Variants in EID3 observed in about 807,000 individuals in gnomAD.
The protein encoded by EID3 is EP300-interacting inhibitor of differentiation 3.
In EID3, 3 loss-of-function variants were observed where a neutral mutation model predicts 1.6. That is an observed-to-expected ratio of 1.87 (90% CI 0.85 to 4.83). The LOEUF (loss-of-function observed/expected upper bound fraction) is 4.83, where lower values mean the gene tolerates loss of function less well. EID3 is among the 30% of genes most tolerant of loss of function. The pLI, the probability that EID3 is intolerant of heterozygous loss-of-function variation, is 0.02. For synonymous variants in EID3, 164 were observed against 148.1 expected (o/e 1.11, Z -0.78); for missense variants, 471 against 409.9 (o/e 1.15, Z -1.29).
rs1165696357 is a variant in EID3, at chr12:104,304,932, A to G, written c.998A>G (p.Tyr333Cys). Residue 333 changes from tyrosine to cysteine, a missense_variant, in exon 1 of 1, where the codon TAC becomes TGC. Physicochemically the swap from Tyr to Cys is radical, Grantham distance 194. Transcript: ENST00000527879. ...GAGGCTATGATTACATACTCCTCAT[A>G]CTAAAGATTTCTTAGTATAGCATCC... ...ISEAMITYSS[Y>C] 2.5e-6 allele frequency: 4 copies of G among 1,584,440 alleles called. No homozygotes were observed. In the Admixed American group the frequency reaches 7.7e-5, roughly 30 times the overall value.
At position 104,304,300 on chromosome 12, in the gene EID3, T is replaced by C. The variant is rs1593793848; in HGVS notation, c.366T>C (p.Phe122=). ...TTAATCAGTTAGCATTTTGTGACTT[T>C]CTGTTTCTGTTCGTGGGTCTGAATT... ...NFFNQLAFCD[F]LFLFVGLNWM... The change falls in exon 1 of 1, where the codon TTT becomes TTC. Residue 122 remains phenylalanine (F), a synonymous_variant. Transcript: ENST00000527879. 2.5e-6 allele frequency: 4 copies of C among 1,614,076 alleles called. No homozygotes were observed. In the East Asian group the frequency reaches 6.7e-5, roughly 27 times the overall value.
chr12:104,304,984 A>G lies in EID3; in HGVS notation c.*48A>G, dbSNP rs749343384. 1.1e-5 allele frequency: 16 copies of G among 1,511,384 alleles called. No homozygotes were observed. In the South Asian group the frequency reaches 2.0e-4, roughly 19 times the overall value. The allele number at this position is 1,511,384 out of a possible 1,614,324, so 93.6% of individuals were successfully genotyped here. A position where few individuals can be genotyped will look rare whatever the true frequency, so the allele number is the denominator to read the frequency against. ...TTTTGTGTTTTTTTTCTGAAGTTAG[A>G]TGGAGAGTAAAATGTAAACTGAAGC... On this transcript the variant is annotated 3_prime_UTR_variant, in exon 1 of 1. Transcript: ENST00000527879.
chr12:104,304,552 G>A lies in EID3; in HGVS notation c.618G>A (p.Gln206=). ...EENGNMPTKL[Q]KLDLSSYPEA... Reference sequence around the variant, plus strand: ...ATGGCAACATGCCTACAAAGTTGCAGAAGTTGGACCTGAGTAGTTATCCAG... The same window carrying A: ...ATGGCAACATGCCTACAAAGTTGCAAAAGTTGGACCTGAGTAGTTATCCAG... Residue 206 remains glutamine, a synonymous_variant, in exon 1 of 1, where the codon CAG becomes CAA. Coordinates refer to ENST00000527879, the MANE Select transcript of EID3 (RefSeq NM_001008394.3). 1 of 1,614,032 alleles carries A rather than the reference G, an allele frequency of 6.2e-7. No homozygotes were observed. The highest frequency in any genetic ancestry group is 8.5e-7 in the Non-Finnish European group (1 of 1,179,904).
At position 104,304,947 on chromosome 12, in the gene EID3, G is replaced by GTA. The variant is rs200258450; in HGVS notation, c.*14_*15dup. On this transcript the variant is annotated 3_prime_UTR_variant, in exon 1 of 1. Transcript: ENST00000527879. ...TACTCCTCATACTAAAGATTTCTTA[G>GTA]TATAGCATCCTTTTTGTGTTTTTTT... 3.6e-5 allele frequency: 56 copies of GTA among 1,556,712 alleles called. No individual in the cohort carries two copies. In the East Asian group the frequency reaches 1.2e-3, roughly 34 times the overall value.
Position 104,304,018 on chromosome 12 carries a change from G to A in EID3, c.84G>A (p.Leu28=). 1 of 1,612,320 alleles carries A rather than the reference G, an allele frequency of 6.2e-7. No homozygotes were observed. Among genetic ancestry groups the A allele is most frequent in the South Asian group, 1.1e-5 (1 of 91,062 alleles). The change falls in exon 1 of 1, where the codon CTG becomes CTA. Residue 28 remains leucine (L), a synonymous_variant. Coordinates refer to ENST00000527879, the MANE Select transcript of EID3 (RefSeq NM_001008394.3). The stretch of plus-strand genomic sequence containing the variant: ...AGGCCGACGTAGACCCAAAGCTCCT[G>A]GAGCTCACCGCTGACGAGGAGAAGT... The part of the protein sequence containing the change: ...SGEADVDPKL[L]ELTADEEKCR...
At position 104,304,111 on chromosome 12, in the gene EID3, G is replaced by C. The variant is rs1223208956; in HGVS notation, c.177G>C (p.Val59=). The change falls in exon 1 of 1, where the codon GTG becomes GTC. Residue 59 remains valine (V), a synonymous_variant. Transcript: ENST00000527879. ...YCVRQNREDI[V]SSANNSLTEA... ...TGCGGCAGAACCGGGAGGACATCGT[G>C]AGCTCGGCGAACAACTCCTTAACCG... 1 of 1,614,028 alleles carries C rather than the reference G, an allele frequency of 6.2e-7. No individual in the cohort carries two copies. The highest frequency in any genetic ancestry group is 2.2e-5 in the East Asian group (1 of 44,880).
chr12:104,304,807 G>A lies in EID3; in HGVS notation c.873G>A (p.Met291Ile), dbSNP rs1228330761. Residue 291 changes from methionine to isoleucine, a missense_variant, in exon 1 of 1, where the codon ATG becomes ATA. Met to Ile is a conservative substitution (Grantham distance 10). Transcript: ENST00000527879. ...TAGAGCCGATGAATGTTAACCAAATGGGTGAGGGAAATGATTCCAGTTGCC... is the reference window on the plus strand; with the variant it reads ...TAGAGCCGATGAATGTTAACCAAATAGGTGAGGGAAATGATTCCAGTTGCC... ...PILEPMNVNQ[M>I]GEGNDSSCHG... 2 of 1,614,026 alleles carry A rather than the reference G, an allele frequency of 1.2e-6. No homozygotes were observed. The highest frequency in any genetic ancestry group is 2.2e-5 in the South Asian group (2 of 91,086).
In EID3 at chr12:104,304,450, TG is replaced by T. The variant is rs767578368; in HGVS notation, c.518del (p.Gly173ValfsTer5). 1 of 1,614,042 alleles carries T rather than the reference TG, an allele frequency of 6.2e-7. No individual in the cohort carries two copies. ...VKAETFHFVF[G>X]SFKLERSAPK... ...AAGCTGAGACATTCCATTTTGTTTT[TG>T]GTTCATTCAAGCTAGAACGTTCTGC... On this transcript the variant is annotated frameshift_variant, in exon 1 of 1. Coordinates refer to ENST00000527879, the MANE Select transcript of EID3 (RefSeq NM_001008394.3). LOFTEE classifies it low-confidence loss of function (END_TRUNC).
rs770133655 is a variant in EID3 at position 104,304,117 on chromosome 12, G to C, written c.183G>C (p.Ser61=). 1 of 1,614,018 alleles carries C rather than the reference G, an allele frequency of 6.2e-7. No homozygotes were observed. ...VRQNREDIVS[S]ANNSLTEALE... ...AGAACCGGGAGGACATCGTGAGCTC[G>C]GCGAACAACTCCTTAACCGAGGCTC... The change falls in exon 1 of 1, where the codon TCG becomes TCC. Residue 61 remains serine (S), a synonymous_variant. Coordinates refer to ENST00000527879, the MANE Select transcript of EID3 (RefSeq NM_001008394.3).
rs757317328 is a variant in EID3 at position 104,304,986 on chromosome 12, G to A, written c.*50G>A. ...TTGTGTTTTTTTTCTGAAGTTAGAT[G>A]GAGAGTAAAATGTAAACTGAAGCAC... On this transcript the variant is annotated 3_prime_UTR_variant, in exon 1 of 1. Transcript: ENST00000527879. The A allele has an allele frequency of 2.0e-6, 3 of 1,507,802 alleles. No homozygotes were observed. Among genetic ancestry groups the A allele is most frequent in the African/African-American group, 2.8e-5 (2 of 71,700 alleles). The allele number at this position is 1,507,802 out of a possible 1,614,324, so 93.4% of individuals were successfully genotyped here.
Position 104,304,047 on chromosome 12 carries a change from G to A in EID3, c.113G>A (p.Arg38His), listed in dbSNP as rs774171990. 5 of 1,613,646 alleles carry A rather than the reference G, an allele frequency of 3.1e-6. No homozygotes were observed. In the South Asian group the frequency reaches 5.5e-5, roughly 18 times the overall value. ...CTCACCGCTGACGAGGAGAAGTGCC[G>A]CAGCATCCGCAGGCAGTACCGGCAG... is the stretch of plus-strand genomic sequence containing the variant. ...LELTADEEKC[R>H]SIRRQYRQLM... The change falls in exon 1 of 1, where the codon CGC becomes CAC. Residue 38 changes from arginine (R) to histidine (H), a missense_variant. Physicochemically the swap from Arg to His is conservative, Grantham distance 29 (BLOSUM62 0). Coordinates refer to ENST00000527879, the MANE Select transcript of EID3 (RefSeq NM_001008394.3).
At position 104,304,375 on chromosome 12, in the gene EID3, T is replaced by C. The variant is rs372283647; in HGVS notation, c.441T>C (p.Ala147=). Residue 147 remains alanine (A), a synonymous_variant, in exon 1 of 1, where the codon GCT becomes GCC. Coordinates refer to ENST00000527879, the MANE Select transcript of EID3 (RefSeq NM_001008394.3). ...TGAGTGATTGTGATGATAGCATAGC[T>C]CTTTCCTTCTGGAAGGCAATAGAAA... ...DKLSDCDDSI[A]LSFWKAIEKE... is the part of the protein sequence containing the mutation. 3.2e-5 allele frequency: 51 copies of C among 1,613,936 alleles called. No individual in the cohort carries two copies. Among genetic ancestry groups the C allele is most frequent in the Non-Finnish European group, 4.1e-5 (48 of 1,179,916 alleles).
At position 104,304,660 on chromosome 12, in the gene EID3, T is replaced by C. The variant is rs1187442425; in HGVS notation, c.726T>C (p.Tyr242=). 10 of 1,613,890 alleles carry C rather than the reference T, an allele frequency of 6.2e-6. No individual in the cohort carries two copies. In the Admixed American group the frequency reaches 1.5e-4, roughly 24 times the overall value. Residue 242 remains tyrosine, a synonymous_variant, in exon 1 of 1, where the codon TAT becomes TAC. Coordinates refer to ENST00000527879, the MANE Select transcript of EID3 (RefSeq NM_001008394.3). ...AGTATCCTGATACTCCTGTGTCCTA[T>C]TTTGAGTTTGTGATTGATCCAAACT... The part of the protein sequence containing the change: ...FRKYPDTPVS[Y]FEFVIDPNSF...
Position 104,304,002 on chromosome 12 carries a change from T to C in EID3, c.68T>C (p.Val23Ala). 6.2e-7 allele frequency: 1 copy of C among 1,610,774 alleles called. No homozygotes were observed. Among genetic ancestry groups the C allele is most frequent in the Middle Eastern group, 1.7e-4 (1 of 5,862 alleles). Residue 23 changes from valine to alanine, a missense_variant, in exon 1 of 1, where the codon GTA (valine) becomes GCA (alanine). Transcript: ENST00000527879. ...SDDLSSGEAD[V>A]DPKLLELTAD... ...GACCTCAGCTCTGGGGAGGCCGACG[T>C]AGACCCAAAGCTCCTGGAGCTCACC...
chr12:104,305,012 A>G lies in EID3; in HGVS notation c.*76A>G. ...GAGAGTAAAATGTAAACTGAAGCAC[A>G]TATTGTATCTCTTGTAAAGTGAAAA... On this transcript the variant is annotated 3_prime_UTR_variant, in exon 1 of 1. Coordinates refer to ENST00000527879, the MANE Select transcript of EID3 (RefSeq NM_001008394.3). 3.6e-6 allele frequency: 5 copies of G among 1,390,576 alleles called. No individual in the cohort carries two copies. Among genetic ancestry groups the G allele is most frequent in the Non-Finnish European group, 4.8e-6 (5 of 1,034,020 alleles). 86.1% of individuals were successfully genotyped at this position (1,390,576 alleles called of 1,614,324 possible).
In EID3 at chr12:104,303,771, A is replaced by T; in HGVS notation, c.-164A>T. The T allele has an allele frequency of 8.2e-7, 1 of 1,215,038 alleles. No individual in the cohort carries two copies. The highest frequency in any genetic ancestry group is 1.1e-6 in the Non-Finnish European group (1 of 910,370). 75.3% of individuals were successfully genotyped at this position (1,215,038 alleles called of 1,614,324 possible). On this transcript the variant is annotated 5_prime_UTR_variant, in exon 1 of 1. Transcript: ENST00000527879. ...GGCGTCCTCGGCTCTAACTGCCGCC[A>T]CTTTCCACACGCTGGGAGGGCCGTT...
rs764221279 is a variant in EID3 at position 104,304,563 on chromosome 12, T to C, written c.629T>C (p.Leu210Pro). 13 of 1,613,930 alleles carry C rather than the reference T, an allele frequency of 8.1e-6. No individual in the cohort carries two copies. The highest frequency in any genetic ancestry group is 4.0e-5 in the African/African-American group (3 of 74,938). Residue 210 changes from leucine to proline, a missense_variant, in exon 1 of 1, where the codon CTG becomes CCG. Leu to Pro is a moderately conservative substitution (Grantham distance 98). Transcript: ENST00000527879. ...NMPTKLQKLD[L>P]SSYPEATEKN... is the part of the protein sequence containing the mutation. ...CCTACAAAGTTGCAGAAGTTGGACC[T>C]GAGTAGTTATCCAGAAGCGACAGAA...
chr12:104,304,087 GC>G lies in EID3; in HGVS notation c.154del (p.Arg52GlyfsTer8), dbSNP rs762616474. On this transcript the variant is annotated frameshift_variant, in exon 1 of 1. Coordinates refer to ENST00000527879, the MANE Select transcript of EID3 (RefSeq NM_001008394.3). LOFTEE classifies it low-confidence loss of function (END_TRUNC). ...AGTACCGGCAGCTCATGTACTGCGT[GC>G]GGCAGAACCGGGAGGACATCGTGAG... ...RQYRQLMYCV[R>X]QNREDIVSSA... is the part of the protein sequence containing the mutation. 1.1e-4 allele frequency: 179 copies of G among 1,613,866 alleles called. No homozygotes were observed. Among genetic ancestry groups the G allele is most frequent in the Non-Finnish European group, 1.4e-4 (164 of 1,179,916 alleles).
At position 104,304,576 on chromosome 12, in the gene EID3, A is replaced by G. The variant is rs2034807199; in HGVS notation, c.642A>G (p.Pro214=). The change falls in exon 1 of 1, where the codon CCA becomes CCG. Residue 214 remains proline, a synonymous_variant. Coordinates refer to ENST00000527879, the MANE Select transcript of EID3 (RefSeq NM_001008394.3). ...KLQKLDLSSY[P]EATEKNVERI... ...AGAAGTTGGACCTGAGTAGTTATCC[A>G]GAAGCGACAGAAAAAAACGTAGAAA... The G allele has an allele frequency of 6.2e-7, 1 of 1,614,060 alleles. No homozygotes were observed. The highest frequency in any genetic ancestry group is 1.1e-5 in the South Asian group (1 of 91,090).
Sources: gnomAD v4.1 joint callset for allele counts on GRCh38, gnomAD v4.1.1 for gene constraint, MANE v1.5 for transcripts, NCBI Gene and HGNC (gene_info 2026-07-23, HGNC 2026-07-21) for gene names.